The following TBXAS1 variants were observed in gnomAD, a reference collection of about 807,000 sequenced individuals.
TBXAS1 encodes thromboxane-A synthase.
Under a neutral mutation model 60.7 loss-of-function variants are expected in TBXAS1, and 48 were observed. The ratio of observed to expected loss-of-function variants is 0.79; its 90% CI spans 0.63 to 1.01. TBXAS1 has a LOEUF of 1.01. TBXAS1 is among the 50% of genes least tolerant of loss of function. The probability of loss-of-function intolerance (pLI) is 0.00; values close to 1 mark genes in which losing one functional copy is unlikely to be tolerated. For synonymous variants in TBXAS1, 287 were observed against 269.7 expected, an observed-to-expected ratio of 1.06 and a Z score of -0.63; for missense variants, 685 against 686.3, an observed-to-expected ratio of 1.00 and a Z score of 0.02.
intron 9 of TBXAS1, among the ~76,000 whole-genome samples, chr7:139,979,816 T>C: frequency 6.6e-6 from 1 of 151,158 alleles, no homozygotes; most frequent in Admixed American, 6.6e-5. Context: ...AGTATACTGT[T>C]GTGTTTTTTG....
chr7:139,917,291 C>T (rs148181417), intron 4 of TBXAS1, among the ~76,000 whole-genome samples: 2 of 152,294 alleles, frequency 1.3e-5, no homozygotes, highest in Non-Finnish European at 2.9e-5. Context: ...TTTATGTGAC[C>T]TCCGTCTCCT....
intron 4 of TBXAS1, among the ~76,000 whole-genome samples, chr7:139,928,034 A>G (rs941502564): frequency 6.6e-6 from 1 of 152,188 alleles, no homozygotes. Context: ...ATGATGTCAA[A>G]TAGAAGTGTA....
At chr7:139,889,319 A>G (rs77811764) in intron 3 of TBXAS1, among the ~76,000 whole-genome samples, 3 of 145,104 alleles carry the variant, frequency 2.1e-5, no homozygotes, top group Non-Finnish European at 4.6e-5. Context: ...AAAAAAAAGG[A>G]AAAAAAAAAA....
intron 3 of TBXAS1, among the ~76,000 whole-genome samples, chr7:139,785,518 C>T (rs552981539): frequency 6.6e-6 from 1 of 151,670 alleles, no homozygotes; most frequent in South Asian, 2.1e-4. Flanking sequence ...CACATTCTTC[C>T]ATTCCTCTTC....
intron 9 of TBXAS1, among the ~76,000 whole-genome samples, chr7:139,995,252 A>T (rs1813208234): frequency 6.6e-6 from 1 of 152,162 alleles, no homozygotes; most frequent in African/African-American, 2.4e-5. Flanking sequence ...GTGGATAAAA[A>T]ATAAATTCCA....
chr7:140,017,691 A>C lies in TBXAS1; in HGVS notation c.1385A>C (p.Gln462Pro). 1 of 1,613,394 alleles carries C rather than the reference A, an allele frequency of 6.2e-7. No individual in the cohort carries two copies. The highest frequency in any genetic ancestry group is 8.5e-7 in the Non-Finnish European group (1 of 1,179,802). The stretch of plus-strand genomic sequence containing the variant: ...TGCAGGTTCACGGCTGAGGCCCGGC[A>C]GCAGCACCGGCCCTTCACGTACCTG... ...NPERFTAEAR[Q>P]QHRPFTYLPF... Residue 462 changes from glutamine to proline, a missense_variant, in exon 12 of 13, where the codon CAG becomes CCG. Coordinates refer to ENST00000448866, the MANE Select transcript of TBXAS1 (RefSeq NM_001061.7).
At chr7:139,966,193 C>A (rs1810773410) in intron 9 of TBXAS1, among the ~76,000 whole-genome samples, 1 of 152,180 alleles carries the variant, frequency 6.6e-6, no homozygotes, top group Admixed American at 6.5e-5. Context: ...TTGTATTTGT[C>A]AATGAGATTG....
chr7:139,925,581 C>T (rs1311821504), intron 4 of TBXAS1, among the ~76,000 whole-genome samples: 1 of 152,158 alleles, frequency 6.6e-6, no homozygotes, highest in Non-Finnish European at 1.5e-5. Context: ...AAGATCATAT[C>T]ATCTGCAAAC....
intron 4 of TBXAS1, among the ~76,000 whole-genome samples, chr7:139,935,281 A>G (rs1281767754): frequency 6.6e-6 from 1 of 152,258 alleles, no homozygotes; most frequent in Non-Finnish European, 1.5e-5. Context: ...ATCCTTCTGT[A>G]TGCTTTAAAT....
chr7:140,015,425 G>C (rs1814948311), intron 10 of TBXAS1, among the ~76,000 whole-genome samples: 2 of 152,150 alleles, frequency 1.3e-5, no homozygotes, highest in African/African-American at 4.8e-5. Context: ...GCACAAGAGG[G>C]GCCCTTTGTG....
intron 1 of TBXAS1, among the ~76,000 whole-genome samples, chr7:139,854,170 C>T (rs1800422757): frequency 6.6e-6 from 1 of 151,894 alleles, no homozygotes; most frequent in African/African-American, 2.4e-5. Flanking sequence ...GTGAGGACCT[C>T]CTTAAATTTT....
intron 3 of TBXAS1, among the ~76,000 whole-genome samples, chr7:139,888,335 T>C (rs1803275669): frequency 6.6e-6 from 1 of 152,238 alleles, no homozygotes; most frequent in African/African-American, 2.4e-5. Flanking sequence ...ACATAAATTT[T>C]GTCTTCTGTG....
At chr7:140,009,663 G>A (rs1172726088) in intron 10 of TBXAS1, among the ~76,000 whole-genome samples, 1 of 62,562 alleles carries the variant, frequency 1.6e-5, no homozygotes, top group African/African-American at 6.7e-5. Flanking sequence ...CCCCACACCC[G>A]CTCCACACCT....
chr7:139,992,752 T>G (rs1489790175), intron 9 of TBXAS1, among the ~76,000 whole-genome samples: 3 of 152,200 alleles, frequency 2.0e-5, no homozygotes, highest in African/African-American at 7.2e-5. Context: ...GGGGAGTGAT[T>G]AGCTCTGCAC....
rs761285960 is a variant in TBXAS1 at position 139,916,626 on chromosome 7, A to G, written c.333+5305A>G. Among the ~76,000 whole-genome samples the G allele has an allele frequency of 1.3e-5, 2 of 152,216 alleles. No individual in the cohort carries two copies. Among genetic ancestry groups the G allele is most frequent in the Non-Finnish European group, 2.9e-5 (2 of 68,032 alleles). ...AGCTGTGAACATTGCAGGATGAGTC[A>G]CTGTGAAACCACAAACTCCTTGGCA... On this transcript the variant is annotated intron_variant, in intron 4 of 12. Transcript: ENST00000448866. This position sits in a 1 kb window ranked among gnomAD's most constrained non-coding sequence, Gnocchi z 4.2.
intron 4 of TBXAS1, among the ~76,000 whole-genome samples, chr7:139,811,796 G>A (rs1258913380): frequency 1.3e-5 from 2 of 152,206 alleles, no homozygotes; most frequent in Non-Finnish European, 2.9e-5. Flanking sequence ...GTACTCTGTT[G>A]TGAATGAGAA....
At chr7:139,963,552 C>A (rs1569520280) in intron 9 of TBXAS1, among the ~76,000 whole-genome samples, 1 of 152,154 alleles carries the variant, frequency 6.6e-6, no homozygotes, top group Non-Finnish European at 1.5e-5. Context: ...TGCCACCCAT[C>A]TTATTCTGTT....
chr7:139,923,502 A>C (rs181778305), intron 4 of TBXAS1, among the ~76,000 whole-genome samples: 1 of 151,758 alleles, frequency 6.6e-6, no homozygotes, highest in East Asian at 1.9e-4. Flanking sequence ...GGGTATATGA[A>C]ATATTTTGAT....
intron 9 of TBXAS1, chr7:139,962,786 G>A (rs112876962): frequency 3.0e-5 from 5 of 166,934 alleles, no homozygotes; most frequent in Non-Finnish European, 6.5e-5. Flanking sequence ...CCTCTTGATC[G>A]TTTATAGCAG....
Sources: allele counts gnomAD v4.1 joint callset (sites outside exome capture counted in the v4.1 genomes callset), GRCh38; gene constraint gnomAD v4.1.1; non-coding constraint Gnocchi (gnomAD v3.1); transcripts MANE v1.5; gene names NCBI Gene and HGNC (gene_info 2026-07-23, HGNC 2026-07-21).